PACSIN1: variants seen among roughly 807,000 people sequenced by gnomAD.
PACSIN1 encodes the protein protein kinase C and casein kinase substrate in neurons 1.
In PACSIN1, 15 loss-of-function variants were observed where a neutral mutation model predicts 59.5. That is an observed-to-expected ratio of 0.25 (90% CI 0.17 to 0.39). The LOEUF is 0.39. Ranked by LOEUF, PACSIN1 falls within the 10% of genes least tolerant of loss-of-function variation. The pLI is 1.00. For missense variants in PACSIN1, 420 were observed against 580.2 expected (o/e 0.72, Z 2.84); for synonymous variants, 210 against 220.6 (o/e 0.95, Z 0.42).
At chr6:34,504,957 T>C (rs1767086349) in intron 1 of PACSIN1, among the ~76,000 whole-genome samples, 1 of 151,910 alleles carries the variant, frequency 6.6e-6, no homozygotes, top group Non-Finnish European at 1.5e-5. Context: ...TTTAAAAATC[T>C]GCTGTAATTT....
intron 1 of PACSIN1, among the ~76,000 whole-genome samples, chr6:34,495,722 G>C (rs1252165709): frequency 1.3e-5 from 2 of 152,080 alleles, no homozygotes; most frequent in Non-Finnish European, 1.5e-5. Context: ...TAAAGTGCTG[G>C]GATTACAGGC....
chr6:34,530,054 G>A lies in PACSIN1; in HGVS notation c.789-189G>A, dbSNP rs1212099450. 1.3e-5 allele frequency among the ~76,000 whole-genome samples: 2 copies of A among 152,274 alleles called. No homozygotes were observed. The highest frequency in any genetic ancestry group is 3.9e-4 in the East Asian group (2 of 5,178). On this transcript the variant is annotated intron_variant, in intron 6 of 9. Coordinates refer to ENST00000244458, the MANE Select transcript of PACSIN1 (RefSeq NM_020804.5). This position sits in a 1 kb window ranked among gnomAD's most constrained non-coding sequence, Gnocchi z 4.4. ...ACACATGCTGGATGATGGGTGAATG[G>A]CTAAGGTGGGAGGGAAAAGGAGTCC...
At position 34,525,878 on chromosome 6, in the gene PACSIN1, C is replaced by G. The variant is rs1048604975; in HGVS notation, c.-63-365C>G. 5.3e-5 allele frequency among the ~76,000 whole-genome samples: 8 copies of G among 152,234 alleles called. No individual in the cohort carries two copies. Among genetic ancestry groups the G allele is most frequent in the African/African-American group, 1.9e-4 (8 of 41,534 alleles). On this transcript the variant is annotated intron_variant, in intron 1 of 9. Transcript: ENST00000244458. The surrounding 1 kb of genome is among the most constrained non-coding windows in gnomAD (Gnocchi z 4.9). ...TGCTGAGGTTGGGAGCAAGGGCAGA[C>G]AGAAGGGCATTTACAGGGTCCCGGG...
chr6:34,481,052 C>G (rs943653734), intron 1 of PACSIN1, among the ~76,000 whole-genome samples: 7 of 151,530 alleles, frequency 4.6e-5, no homozygotes, highest in Non-Finnish European at 1.0e-4. Flanking sequence ...TTCAAGTGGA[C>G]TCTTCTTTTT....
Position 34,518,712 on chromosome 6 carries a change from G to T in PACSIN1, c.-63-7531G>T, listed in dbSNP as rs955731190. Among the ~76,000 whole-genome samples the T allele has an allele frequency of 6.6e-6, 1 of 152,242 alleles. No individual in the cohort carries two copies. The highest frequency in any genetic ancestry group is 1.5e-5 in the Non-Finnish European group (1 of 68,042). On this transcript the variant is annotated intron_variant, in intron 1 of 9. Transcript: ENST00000244458. This position sits in a 1 kb window ranked among gnomAD's most constrained non-coding sequence, Gnocchi z 4.4. ...GGCAGGGGAGCTGGGGTATGTAAAC[G>T]CCACCTTCCAGTGGCTCTCCACCAC...
At position 34,476,298 on chromosome 6, in the gene PACSIN1, TAC is replaced by T. The variant is rs369509385; in HGVS notation, c.-64+10030_-64+10031del. On this transcript the variant is annotated intron_variant, in intron 1 of 9. Transcript: ENST00000244458. The stretch of plus-strand genomic sequence containing the variant: ...CATCTTCAGATGGGTAAGCTGAGGC[TAC>T]AGAGGGACTTGCAGCTCCCAGCCGA... Among the ~76,000 whole-genome samples, 204 of 152,308 alleles carry T rather than the reference TAC, an allele frequency of 1.3e-3. No homozygotes were observed. In the Middle Eastern group the frequency reaches 0.017, roughly 13 times the overall value.
chr6:34,510,543 C>T (rs1016832311), intron 1 of PACSIN1, among the ~76,000 whole-genome samples: 1 of 152,182 alleles, frequency 6.6e-6, no homozygotes, highest in Admixed American at 6.5e-5. Context: ...TCAGCTTACT[C>T]CCACCTCTAG....
At chr6:34,477,189 T>C (rs1766649432) in intron 1 of PACSIN1, among the ~76,000 whole-genome samples, 1 of 152,024 alleles carries the variant, frequency 6.6e-6, no homozygotes, top group Admixed American at 6.5e-5. Context: ...TTGCAAAACA[T>C]ATGCAAATAA....
rs528504886 is a variant in PACSIN1, at chr6:34,476,495, C to T, written c.-64+10225C>T. ...TCAGCTCCATCGGACACTGGGCTGC[C>T]ACTGCTGCCTGCTCCCCAGGTGTTG... On this transcript the variant is annotated intron_variant, in intron 1 of 9. Transcript: ENST00000244458. Among the ~76,000 whole-genome samples, 5 of 152,158 alleles carry T rather than the reference C, an allele frequency of 3.3e-5. No individual in the cohort carries two copies. In the South Asian group the frequency reaches 8.3e-4, roughly 25 times the overall value.
At chr6:34,475,420 A>G (rs1581956075) in intron 1 of PACSIN1, among the ~76,000 whole-genome samples, 3 of 152,368 alleles carry the variant, frequency 2.0e-5, no homozygotes, top group Admixed American at 2.0e-4. Flanking sequence ...ATTCCCGGGC[A>G]AATGATTTAT....
In PACSIN1 at chr6:34,531,909, G is replaced by A. The variant is rs1187221305; in HGVS notation, c.1225+122G>A. On this transcript the variant is annotated intron_variant, in intron 9 of 9. Transcript: ENST00000244458. The surrounding 1 kb of genome is among the most constrained non-coding windows in gnomAD (Gnocchi z 4.4). ...TGGATTGGGTGTGTGGTGGTGCAGG[G>A]GCGGTGCCTGAGAGAGAAGCTTGGG... 1.1e-6 allele frequency: 1 copy of A among 939,002 alleles called. No individual in the cohort carries two copies. The highest frequency in any genetic ancestry group is 1.7e-5 in the African/African-American group (1 of 58,898). The allele number at this position is 939,002 out of a possible 1,614,324, so 58.2% of individuals were successfully genotyped here. A position where few individuals can be genotyped will look rare whatever the true frequency, so the allele number is the denominator to read the frequency against.
At chr6:34,469,783 G>A (rs1455084586) in intron 1 of PACSIN1, among the ~76,000 whole-genome samples, 1 of 152,168 alleles carries the variant, frequency 6.6e-6, no homozygotes, top group Non-Finnish European at 1.5e-5. Context: ...TCACCACCAG[G>A]AAAGATGGGT....
At chr6:34,522,232 C>T (rs6457781) in intron 1 of PACSIN1, among the ~76,000 whole-genome samples, 110,467 of 152,190 alleles carry the variant, frequency 0.73, 42,874 homozygotes, top group South Asian at 0.93. Flanking sequence ...GGATTCAATA[C>T]CAGCTCCGCT....
At chr6:34,517,313 C>T (rs574160454) in intron 1 of PACSIN1, among the ~76,000 whole-genome samples, 1 of 151,380 alleles carries the variant, frequency 6.6e-6, no homozygotes, top group African/African-American at 2.4e-5. Context: ...CAGCCACCTC[C>T]TAGAGCTTCC....
At chr6:34,493,648 ACCAGTGCTCC>A (rs1218612990) in intron 1 of PACSIN1, among the ~76,000 whole-genome samples, 3 of 152,200 alleles carry the variant, frequency 2.0e-5, no homozygotes, top group Non-Finnish European at 4.4e-5. Context: ...CTGGTGGGGA[ACCAGTGCTCC>A]CCAATGGGTA....
chr6:34,526,358 G>T lies in PACSIN1; in HGVS notation c.53G>T (p.Ser18Ile). The T allele has an allele frequency of 6.2e-7, 1 of 1,612,354 alleles. No individual in the cohort carries two copies. The change falls in exon 2 of 10, where the codon AGC (serine) becomes ATC (isoleucine). Residue 18 changes from serine (S) to isoleucine (I), a missense_variant. Ser to Ile is a moderately radical substitution (Grantham distance 142). Transcript: ENST00000244458. ...CTGGCGCCAGAGGAGACCACCGACAGCTTCTGGGAGGTGAGGCTCTCATGA... is the reference window on the plus strand; with the variant it reads ...CTGGCGCCAGAGGAGACCACCGACATCTTCTGGGAGGTGAGGCTCTCATGA... Reference protein sequence around the residue: ...ASLAPEETTDSFWEVGNYKRT... With the variant: ...ASLAPEETTDIFWEVGNYKRT...
At chr6:34,481,891 T>C (rs1766725175) in intron 1 of PACSIN1, among the ~76,000 whole-genome samples, 1 of 152,166 alleles carries the variant, frequency 6.6e-6, no homozygotes, top group Admixed American at 6.5e-5. Context: ...CGCTATCTAA[T>C]TCCAGAATAT....
At chr6:34,483,556 C>T (rs914679476) in intron 1 of PACSIN1, among the ~76,000 whole-genome samples, 12 of 152,056 alleles carry the variant, frequency 7.9e-5, no homozygotes, top group Non-Finnish European at 1.6e-4. Flanking sequence ...CTCCAAACCT[C>T]CAAACTCCAC....
In PACSIN1 at chr6:34,526,208, CCTCATCTCCAGGGAT is replaced by C; in HGVS notation, c.-63-31_-63-17del. ...TGGGGCAAAGGGTGGAAGGCCCTTC[CCTCATCTCCAGGGAT>C]CTCTCTCCTGCCCTCCCAGTGCATG... is the stretch of plus-strand genomic sequence containing the variant. On this transcript the variant is annotated intron_variant, in intron 1 of 9. Coordinates refer to ENST00000244458, the MANE Select transcript of PACSIN1 (RefSeq NM_020804.5). The C allele has an allele frequency of 2.0e-6, 2 of 1,012,688 alleles. No individual in the cohort carries two copies. The highest frequency in any genetic ancestry group is 4.1e-4 in the Middle Eastern group (2 of 4,848). The allele number at this position is 1,012,688 out of a possible 1,614,324, so 62.7% of individuals were successfully genotyped here.
Sources: gnomAD v4.1 joint callset for allele counts (sites outside exome capture counted in the v4.1 genomes callset) on GRCh38, gnomAD v4.1.1 for gene constraint, Gnocchi (gnomAD v3.1) non-coding constraint, MANE v1.5 for transcripts, NCBI Gene and HGNC (gene_info 2026-07-23, HGNC 2026-07-21) for gene names.